Variants in NTM observed in about 807,000 individuals in gnomAD.
The protein encoded by NTM is IgLON family member 2.
In NTM, 13 loss-of-function variants were observed where a neutral mutation model predicts 42.1. The ratio of observed to expected loss-of-function variants is 0.31; its 90% CI spans 0.20 to 0.49. The LOEUF (loss-of-function observed/expected upper bound fraction) is 0.49, where lower values mean the gene tolerates loss of function less well. NTM is among the 20% of genes least tolerant of loss of function. The pLI, the probability that NTM is intolerant of heterozygous loss-of-function variation, is 0.99. For synonymous variants in NTM, 187 were observed against 179.2 expected, an observed-to-expected ratio of 1.04 and a Z score of -0.35; for missense variants, 373 against 452.8, an observed-to-expected ratio of 0.82 and a Z score of 1.60.
rs575013755 is a variant in NTM at position 132,270,440 on chromosome 11, G to T, written c.527-37249G>T. On this transcript the variant is annotated intron_variant, in intron 4 of 8. Transcript: ENST00000683400. Reference sequence around the variant, plus strand: ...GACGGGGTTTCACCATGTTAGCCAGGCTGGTCTTGAACTCCTGACCTCAAG... The same window carrying T: ...GACGGGGTTTCACCATGTTAGCCAGTCTGGTCTTGAACTCCTGACCTCAAG... Among the ~76,000 whole-genome samples the T allele has an allele frequency of 3.9e-4, 60 of 152,108 alleles. No homozygotes were observed. In the South Asian group the frequency reaches 0.012, roughly 31 times the overall value.
chr11:131,413,426 C>A (rs58115443), intron 1 of NTM, among the ~76,000 whole-genome samples: 12,010 of 152,220 alleles, frequency 0.079, 1,181 homozygotes, highest in African/African-American at 0.23. Flanking sequence ...GTACAAGTTG[C>A]GAACAGTGCT....
intron 1 of NTM, among the ~76,000 whole-genome samples, chr11:131,509,182 C>G (rs1359714236): frequency 6.6e-6 from 1 of 152,208 alleles, no homozygotes; most frequent in East Asian, 1.9e-4. Flanking sequence ...CTTTCCTCCT[C>G]AAGGTCACAC....
At chr11:132,075,104 A>C (rs1261499098) in intron 2 of NTM, among the ~76,000 whole-genome samples, 1 of 152,190 alleles carries the variant, frequency 6.6e-6, no homozygotes, top group African/African-American at 2.4e-5. Flanking sequence ...CAAGTACTCC[A>C]TGATTCCACT....
intron 1 of NTM, among the ~76,000 whole-genome samples, chr11:131,754,232 T>C (rs1272785623): frequency 6.6e-6 from 1 of 151,854 alleles, no homozygotes; most frequent in Non-Finnish European, 1.5e-5. Flanking sequence ...TGTATACATA[T>C]GTAACTAACC....
chr11:131,526,501 T>TA (rs1359556565), intron 1 of NTM, among the ~76,000 whole-genome samples: 1 of 152,230 alleles, frequency 6.6e-6, no homozygotes, highest in African/African-American at 2.4e-5. Context: ...ATCATCTTTG[T>TA]ACATTTTAAT....
chr11:132,181,648 A>G (rs1213654280), intron 3 of NTM, among the ~76,000 whole-genome samples: 4 of 152,186 alleles, frequency 2.6e-5, no homozygotes, highest in Admixed American at 2.0e-4. Context: ...AAAAATTACA[A>G]TGCAGGAAGT....
intron 4 of NTM, among the ~76,000 whole-genome samples, chr11:132,267,667 T>A (rs1189634108): frequency 6.6e-6 from 1 of 151,622 alleles, no homozygotes; most frequent in Non-Finnish European, 1.5e-5. Context: ...AATAGAAAAA[T>A]TATCCGGGCA....
chr11:132,162,565 G>C (rs2074530813), intron 3 of NTM, among the ~76,000 whole-genome samples: 1 of 149,620 alleles, frequency 6.7e-6, no homozygotes, highest in East Asian at 2.0e-4. Context: ...TGAGGAGTGT[G>C]GATGTGATCG....
intron 1 of NTM, among the ~76,000 whole-genome samples, chr11:131,878,593 AAATATATATATATATATATATATAT>A (rs1383770040): frequency 0.015 from 378 of 25,104 alleles, 84 homozygotes; most frequent in East Asian, 0.068. Flanking sequence ...AAAAAAAAAA[AAATATATATATATATATATATATAT>A]ATATATATAT....
chr11:132,242,395 GA>G (rs35366108), intron 4 of NTM, among the ~76,000 whole-genome samples: 6 of 152,234 alleles, frequency 3.9e-5, no homozygotes, highest in African/African-American at 1.4e-4. Context: ...ACATTTAGGG[GA>G]AAAAAGGGGG....
At chr11:131,433,650 T>G (rs1452574109) in intron 1 of NTM, among the ~76,000 whole-genome samples, 1 of 152,198 alleles carries the variant, frequency 6.6e-6, no homozygotes, top group Non-Finnish European at 1.5e-5. Context: ...ATTCTCTAAC[T>G]TCCATGGTGG....
chr11:131,999,875 T>C (rs2068833674), intron 2 of NTM, among the ~76,000 whole-genome samples: 1 of 152,224 alleles, frequency 6.6e-6, no homozygotes, highest in African/African-American at 2.4e-5. Context: ...ACAGGCTTTA[T>C]ACATCTCTGG....
intron 1 of NTM, among the ~76,000 whole-genome samples, chr11:131,532,876 A>G (rs2051505974): frequency 2.0e-5 from 3 of 151,850 alleles, no homozygotes; most frequent in African/African-American, 7.3e-5. Context: ...TCTTTTTTGG[A>G]GAAACGTCTA....
intron 3 of NTM, among the ~76,000 whole-genome samples, chr11:132,205,855 T>C (rs1318243219): frequency 6.6e-6 from 1 of 152,190 alleles, no homozygotes; most frequent in Admixed American, 6.5e-5. Flanking sequence ...TCTTCCTGGA[T>C]GTCCCTCATC....
intron 4 of NTM, among the ~76,000 whole-genome samples, chr11:132,257,087 G>A (rs898956089): frequency 7.2e-5 from 11 of 152,204 alleles, no homozygotes; most frequent in African/African-American, 2.7e-4. Flanking sequence ...TTAAATCAAA[G>A]CGCGCTCTGG....
chr11:132,215,453 T>G (rs2083647278), intron 4 of NTM, among the ~76,000 whole-genome samples: 2 of 152,204 alleles, frequency 1.3e-5, no homozygotes, highest in South Asian at 4.1e-4. Context: ...TTGACTACCT[T>G]GTGTGGAAAG....
chr11:131,811,381 C>A (rs2092723053), intron 1 of NTM, among the ~76,000 whole-genome samples: 1 of 152,218 alleles, frequency 6.6e-6, no homozygotes, highest in South Asian at 2.1e-4. Flanking sequence ...CCCAAGTGTA[C>A]AAATCAGGAT....
chr11:132,143,338 C>T (rs1318004662), intron 2 of NTM, among the ~76,000 whole-genome samples: 1 of 152,106 alleles, frequency 6.6e-6, no homozygotes, highest in Non-Finnish European at 1.5e-5. Flanking sequence ...GAGTAAGGTC[C>T]CAGGAATCTC....
At chr11:132,116,018 T>C (rs929837905) in intron 2 of NTM, among the ~76,000 whole-genome samples, 1 of 152,220 alleles carries the variant, frequency 6.6e-6, no homozygotes, top group Non-Finnish European at 1.5e-5. Context: ...TCAGCTCAGG[T>C]GTGGCCTTCT....
Sources: gnomAD v4.1 joint callset for allele counts (sites outside exome capture counted in the v4.1 genomes callset) on GRCh38, gnomAD v4.1.1 for gene constraint, MANE v1.5 for transcripts, NCBI Gene and HGNC (gene_info 2026-07-23, HGNC 2026-07-21) for gene names.